The following PTK2B variants were observed in gnomAD, a reference collection of about 807,000 sequenced individuals.
PTK2B encodes protein tyrosine kinase 2 beta.
PTK2B carries 71 observed loss-of-function variants against 142.9 expected under a neutral mutation model. The observed-to-expected ratio is 0.50, with a 90% CI of 0.41 to 0.61. The LOEUF (loss-of-function observed/expected upper bound fraction) is 0.61, where lower values mean the gene tolerates loss of function less well. PTK2B is among the 20% of genes least tolerant of loss of function. PTK2B has a pLI of 0.00. For synonymous variants in PTK2B, 519 were observed against 503.4 expected, an observed-to-expected ratio of 1.03 and a Z score of -0.42; for missense variants, 1,105 against 1,320.4, an observed-to-expected ratio of 0.84 and a Z score of 2.53.
intron 10 of PTK2B, among the ~76,000 whole-genome samples, chr8:27,432,728 T>A (rs1384253902): frequency 6.6e-6 from 1 of 151,450 alleles, no homozygotes; most frequent in Non-Finnish European, 1.5e-5. Context: ...GTTTGTTTGT[T>A]TGTTTTTTAC....
chr8:27,350,960 A>G (rs2130482278), intron 1 of PTK2B, among the ~76,000 whole-genome samples: 1 of 121,534 alleles, frequency 8.2e-6, no homozygotes, highest in Non-Finnish European at 1.7e-5. Flanking sequence ...TGGGGGACAG[A>G]GAAAGTCTCC....
chr8:27,394,710 C>T (rs564931915), intron 1 of PTK2B, among the ~76,000 whole-genome samples: 71 of 152,254 alleles, frequency 4.7e-4, no homozygotes, highest in African/African-American at 1.6e-3. Flanking sequence ...TTTTTTAAAG[C>T]TTGTTGATGC....
At chr8:27,426,409 C>T (rs1803979819) in intron 5 of PTK2B, among the ~76,000 whole-genome samples, 1 of 152,206 alleles carries the variant, frequency 6.6e-6, no homozygotes, top group Non-Finnish European at 1.5e-5. Flanking sequence ...CAGGTAGGCA[C>T]AGCCTCACTC....
At position 27,411,053 on chromosome 8, in the gene PTK2B, C is replaced by T. The variant is rs575931019; in HGVS notation, c.205-8842C>T. ...AGCAAAAAACAGTCCTGGGCTTACC[C>T]AAATAGCAACTGATAAAATTAAGAC... On this transcript the variant is annotated intron_variant, in intron 2 of 30. Coordinates refer to ENST00000346049, the MANE Select transcript of PTK2B (RefSeq NM_173176.3). 2.0e-5 allele frequency among the ~76,000 whole-genome samples: 3 copies of T among 152,248 alleles called. No individual in the cohort carries two copies. In the East Asian group the frequency reaches 5.8e-4, roughly 29 times the overall value.
intron 1 of PTK2B, among the ~76,000 whole-genome samples, chr8:27,351,418 C>G (rs1262926659): frequency 6.6e-6 from 1 of 151,800 alleles, no homozygotes; most frequent in Non-Finnish European, 1.5e-5. Context: ...TTCCATTTGC[C>G]TTTAAAATAA....
In PTK2B at chr8:27,437,669, C is replaced by T. The variant is rs1810871643; in HGVS notation, c.1528-96C>T. On this transcript the variant is annotated intron_variant, in intron 17 of 30. Coordinates refer to ENST00000346049, the MANE Select transcript of PTK2B (RefSeq NM_173176.3). ...CCAGCTTTGGGTTTGTCTCCCACCG[C>T]CCCCAGGGAAGGGTCAGGGGTTGCC... is the stretch of plus-strand genomic sequence containing the variant. The T allele has an allele frequency of 4.6e-6, 6 of 1,314,060 alleles. No homozygotes were observed. The East Asian group carries it at 1.5e-4, about 33-fold the overall frequency. The allele number at this position is 1,314,060 out of a possible 1,614,324, so 81.4% of individuals were successfully genotyped here.
In PTK2B at chr8:27,397,646, G is replaced by C. The variant is rs771540159; in HGVS notation, c.62G>C (p.Gly21Ala). The C allele has an allele frequency of 1.2e-6, 2 of 1,614,250 alleles. No homozygotes were observed. The highest frequency in any genetic ancestry group is 1.7e-6 in the Non-Finnish European group (2 of 1,180,042). Residue 21 changes from glycine (G) to alanine (A), a missense_variant, in exon 2 of 31, where the codon GGC becomes GCC. Coordinates refer to ENST00000346049, the MANE Select transcript of PTK2B (RefSeq NM_173176.3). ...VKLGTLRRPE[G>A]PAEPMVVVPV... ...TTGGGCACGTTACGCCGGCCTGAAG[G>C]CCCTGCAGAGCCCATGGTGGTGGTA...
At chr8:27,457,371 C>G (rs999587804) in intron 30 of PTK2B, among the ~76,000 whole-genome samples, 5 of 152,214 alleles carry the variant, frequency 3.3e-5, no homozygotes, top group African/African-American at 1.2e-4. Context: ...TGCATCTACT[C>G]AAGAGCTCAG....
chr8:27,371,562 T>TA (rs1806362372), intron 1 of PTK2B, among the ~76,000 whole-genome samples: 3 of 150,780 alleles, frequency 2.0e-5, no homozygotes, highest in East Asian at 1.9e-4. Context: ...TATATATATA[T>TA]TTTGAGACAG....
chr8:27,437,885 G>A lies in PTK2B; in HGVS notation c.1643+5G>A. ...GAGCATCAACTGCGTGCACAGGTAG[G>A]GGTGGAGGGAGTGGCCAGCGGTATG... On this transcript the variant is annotated splice_donor_5th_base_variant and intron_variant, in intron 18 of 30. Coordinates refer to ENST00000346049, the MANE Select transcript of PTK2B (RefSeq NM_173176.3). 2 of 1,606,378 alleles carry A rather than the reference G, an allele frequency of 1.2e-6. No homozygotes were observed. Among genetic ancestry groups the A allele is most frequent in the Non-Finnish European group, 1.7e-6 (2 of 1,176,376 alleles).
chr8:27,315,901 C>T (rs772449569), intron 3 of PTK2B, among the ~76,000 whole-genome samples: 4 of 151,928 alleles, frequency 2.6e-5, no homozygotes, highest in Non-Finnish European at 5.9e-5. Flanking sequence ...TTCTGACCAA[C>T]TTAGATGCTC....
At chr8:27,377,728 G>A (rs899543350) in intron 1 of PTK2B, among the ~76,000 whole-genome samples, 4 of 152,174 alleles carry the variant, frequency 2.6e-5, no homozygotes, top group African/African-American at 4.8e-5. Flanking sequence ...ACTGAAGGGC[G>A]CCATTACATT....
intron 22 of PTK2B, among the ~76,000 whole-genome samples, chr8:27,443,337 C>T (rs1283816841): frequency 2.0e-5 from 3 of 152,236 alleles, no homozygotes; most frequent in African/African-American, 7.2e-5. Context: ...CTATACCCCG[C>T]ATGGCCACCC....
In PTK2B at chr8:27,436,309, C is replaced by A; in HGVS notation, c.1302C>A (p.Gly434=). The change falls in exon 15 of 31, where the codon GGC becomes GGA. Residue 434 remains glycine (G), a synonymous_variant. Transcript: ENST00000346049. The part of the protein sequence containing the change: ...DVVLNRILGE[G]FFGEVYEGVY... ...TCCTGAATCGTATTCTTGGGGAAGG[C>A]TTTTTTGGGGAGGTCTATGAAGGTG... 6.2e-7 allele frequency: 1 copy of A among 1,614,068 alleles called. No individual in the cohort carries two copies. Among genetic ancestry groups the A allele is most frequent in the Non-Finnish European group, 8.5e-7 (1 of 1,180,002 alleles).
At chr8:27,429,434 G>T (rs956005387) in intron 5 of PTK2B, among the ~76,000 whole-genome samples, 1 of 152,200 alleles carries the variant, frequency 6.6e-6, no homozygotes. Context: ...AGACAGGGAA[G>T]GGAGGCTGGC....
upstream of PTK2B, among the ~76,000 whole-genome samples, chr8:27,322,247 C>T (rs750583831): frequency 1.3e-5 from 2 of 152,190 alleles, no homozygotes; most frequent in South Asian, 2.1e-4. Flanking sequence ...AGTAAATTTA[C>T]ATGATGTAAT....
chr8:27,328,024 G>T (rs570335117), intron 1 of PTK2B, among the ~76,000 whole-genome samples: 2 of 152,178 alleles, frequency 1.3e-5, no homozygotes, highest in Non-Finnish European at 1.5e-5. Flanking sequence ...ACATAGTAGG[G>T]TTCATGCTTC....
chr8:27,430,200 A>G (rs371392968), intron 6 of PTK2B, 45 bp downstream of exon 6: 8 of 1,591,186 alleles, frequency 5.0e-6, no homozygotes, highest in Admixed American at 1.7e-5. Flanking sequence ...CTGTCCTTCC[A>G]TGTGTACTTT....
chr8:27,428,189 C>T (rs893137100), intron 5 of PTK2B, among the ~76,000 whole-genome samples: 3 of 152,106 alleles, frequency 2.0e-5, no homozygotes, highest in African/African-American at 7.2e-5. Flanking sequence ...AATCTAATGT[C>T]ACCACTGATC....
Sources: gnomAD v4.1 joint callset for allele counts (sites outside exome capture counted in the v4.1 genomes callset) on GRCh38, gnomAD v4.1.1 for gene constraint, MANE v1.5 for transcripts, NCBI Gene and HGNC (gene_info 2026-07-23, HGNC 2026-07-21) for gene names.